The following EYS variants were observed in gnomAD, a reference collection of about 807,000 sequenced individuals.
The protein encoded by EYS is EGF-like photoreceptor maintenance factor.
In EYS, 250 loss-of-function variants were observed where a neutral mutation model predicts 282.1. The ratio of observed to expected loss-of-function variants is 0.89; its 90% CI spans 0.80 to 0.98. The LOEUF (loss-of-function observed/expected upper bound fraction) is 0.98, where lower values mean the gene tolerates loss of function less well. Among genes scored for constraint, EYS ranks in the 50% least tolerant of loss-of-function variants. The pLI is 0.00. For synonymous variants in EYS, 1,355 were observed against 1,282.9 expected (o/e 1.06, Z -1.20); for missense variants, 4,016 against 3,709.0 (o/e 1.08, Z -2.15).
intron 26 of EYS, among the ~76,000 whole-genome samples, chr6:64,547,790 G>C (rs1220769240): frequency 6.6e-6 from 1 of 152,214 alleles, no homozygotes; most frequent in Non-Finnish European, 1.5e-5. Context: ...CGTTGGTCGG[G>C]GCGGCTCGGG....
chr6:64,355,889 T>G (rs2150405914), intron 29 of EYS, among the ~76,000 whole-genome samples: 1 of 151,684 alleles, frequency 6.6e-6, no homozygotes, highest in African/African-American at 2.4e-5. Flanking sequence ...GTAAGGAGAT[T>G]TCCAGCTCAG....
intron 2 of EYS, among the ~76,000 whole-genome samples, chr6:65,516,211 C>CA (rs1185447952): frequency 6.6e-6 from 1 of 151,982 alleles, no homozygotes; most frequent in African/African-American, 2.4e-5. Flanking sequence ...TATAATGTGA[C>CA]AAATTAGTTC....
chr6:64,342,658 T>C (rs542360048), intron 29 of EYS, among the ~76,000 whole-genome samples: 4 of 151,988 alleles, frequency 2.6e-5, no homozygotes, highest in Non-Finnish European at 4.4e-5. Context: ...CTGCATCAAC[T>C]AACGAGCAAA....
At chr6:64,964,926 A>G (rs1032307529) in intron 14 of EYS, among the ~76,000 whole-genome samples, 1 of 152,052 alleles carries the variant, frequency 6.6e-6, no homozygotes, top group African/African-American at 2.4e-5. Flanking sequence ...CCAGCCACTC[A>G]GGAGGCTAAG....
rs796999871 is a variant in EYS, at chr6:63,859,111, T to TTTTTTTTTTTTTTTTTTA, written c.7228+5074_7228+5075insTAAAAAAAAAAAAAAAAA. ...TTTTTTTTTTTTTTTTTTTTTTTTT[T>TTTTTTTTTTTTTTTTTTA]AATAGCTGGGATGGAGATGCAGCCT... On this transcript the variant is annotated intron_variant, in intron 36 of 42. Coordinates refer to ENST00000503581, the MANE Select transcript of EYS (RefSeq NM_001142800.2). Among the ~76,000 whole-genome samples, 4 of 71,180 alleles carry TTTTTTTTTTTTTTTTTTA rather than the reference T, an allele frequency of 5.6e-5. 1 individual carries two copies. The highest frequency in any genetic ancestry group is 2.5e-4 in the African/African-American group (4 of 15,748). The allele number at this position is 71,180 out of a possible 152,430, so 46.7% of individuals were successfully genotyped here. A position where few individuals can be genotyped will look rare whatever the true frequency, so the allele number is the denominator to read the frequency against.
At chr6:64,408,356 C>T (rs1773788895) in intron 28 of EYS, among the ~76,000 whole-genome samples, 1 of 152,116 alleles carries the variant, frequency 6.6e-6, no homozygotes, top group Non-Finnish European at 1.5e-5. Flanking sequence ...GCAACTCAGC[C>T]TCCCTCCAAT....
intron 35 of EYS, among the ~76,000 whole-genome samples, chr6:63,881,209 T>A (rs930908063): frequency 6.6e-6 from 1 of 152,184 alleles, no homozygotes; most frequent in Non-Finnish European, 1.5e-5. Context: ...AGCAGTTTGT[T>A]ATTTTTAAAG....
intron 13 of EYS, among the ~76,000 whole-genome samples, chr6:65,001,106 A>G (rs114584967): frequency 0.012 from 1,811 of 145,258 alleles, 52 homozygotes; most frequent in African/African-American, 0.041. Context: ...CAGTGTTACA[A>G]TGCTCTCAGC....
intron 22 of EYS, among the ~76,000 whole-genome samples, chr6:64,707,137 A>G (rs1205917492): frequency 1.3e-5 from 2 of 151,702 alleles, no homozygotes; most frequent in Non-Finnish European, 2.9e-5. Context: ...ACACATATAT[A>G]TATGTGTCAT....
At chr6:64,045,446 AT>A (rs1275991964) in intron 33 of EYS, among the ~76,000 whole-genome samples, 1 of 136,536 alleles carries the variant, frequency 7.3e-6, no homozygotes, top group Non-Finnish European at 1.6e-5. Context: ...TATTTATTTT[AT>A]TTTATTTTAT....
rs140794993 is a variant in EYS at position 65,426,046 on chromosome 6, G to C, written c.863-20679C>G. Among the ~76,000 whole-genome samples, 521 of 152,144 alleles carry C rather than the reference G, an allele frequency of 3.4e-3. 4 individuals are homozygous for C. The highest frequency in any genetic ancestry group is 0.011 in the African/African-American group (468 of 41,538). ...GCTAGAGTGTAGTGGCACAATCATA[G>C]CCCACTGCAGCCTCAAACTCCTGGG... On this transcript the variant is annotated intron_variant, in intron 5 of 42. Coordinates refer to ENST00000503581, the MANE Select transcript of EYS (RefSeq NM_001142800.2).
intron 26 of EYS, among the ~76,000 whole-genome samples, chr6:64,460,932 T>A (rs1180159342): frequency 3.3e-5 from 5 of 152,046 alleles, no homozygotes; most frequent in Admixed American, 2.6e-4. Flanking sequence ...AAAAAAAAAA[T>A]TCATTCTTCT....
intron 2 of EYS, among the ~76,000 whole-genome samples, chr6:65,535,666 C>T (rs550770015): frequency 1.3e-5 from 2 of 152,298 alleles, no homozygotes; most frequent in African/African-American, 4.8e-5. Flanking sequence ...ATATTCCAGT[C>T]TGAAGGCTGT....
intron 33 of EYS, among the ~76,000 whole-genome samples, chr6:64,039,398 G>A (rs1770280176): frequency 6.6e-6 from 1 of 152,172 alleles, no homozygotes. Flanking sequence ...GGGAATACAT[G>A]TTAAAAATAT....
chr6:65,480,999 T>C (rs1205471543), intron 5 of EYS, among the ~76,000 whole-genome samples: 2 of 152,130 alleles, frequency 1.3e-5, no homozygotes, highest in Non-Finnish European at 2.9e-5. Context: ...GGTTACTGGA[T>C]ACAAAATTAT....
intron 8 of EYS, among the ~76,000 whole-genome samples, chr6:65,360,965 A>G (rs530024142): frequency 3.0e-4 from 46 of 152,168 alleles, no homozygotes; most frequent in African/African-American, 1.1e-3. Flanking sequence ...TTCCATCTAT[A>G]TTTCTACATA....
chr6:65,504,325 A>G (rs1428986989), intron 2 of EYS, among the ~76,000 whole-genome samples: 3 of 151,654 alleles, frequency 2.0e-5, no homozygotes, highest in Non-Finnish European at 3.0e-5. Context: ...ATACTGACTT[A>G]TTTAAGGCAT....
At chr6:64,846,462 A>G (rs2025317) in intron 19 of EYS, among the ~76,000 whole-genome samples, 23,176 of 152,096 alleles carry the variant, frequency 0.15, 2,009 homozygotes, top group East Asian at 0.43. Context: ...ATTTGAGTTT[A>G]GAAAGAGGGG....
chr6:65,011,601 C>G (rs1381183562), intron 13 of EYS, among the ~76,000 whole-genome samples: 3 of 152,178 alleles, frequency 2.0e-5, no homozygotes, highest in Non-Finnish European at 2.9e-5. Context: ...ATCGGACAAT[C>G]TCCCCAACAG....
Sources: gnomAD v4.1 joint callset for allele counts (sites outside exome capture counted in the v4.1 genomes callset) on GRCh38, gnomAD v4.1.1 for gene constraint, MANE v1.5 for transcripts, NCBI Gene and HGNC (gene_info 2026-07-23, HGNC 2026-07-21) for gene names.